The following RNF34 variants were observed in gnomAD, a reference collection of about 807,000 sequenced individuals.
RNF34 encodes E3 ubiquitin-protein ligase RNF34.
In RNF34, 12 loss-of-function variants were observed where a neutral mutation model predicts 37.9. That is an observed-to-expected ratio of 0.32 (90% confidence interval 0.20 to 0.51). The LOEUF (loss-of-function observed/expected upper bound fraction) is 0.51, where lower values mean the gene tolerates loss of function less well. Among genes scored for constraint, RNF34 ranks in the 20% least tolerant of loss-of-function variants. The probability of loss-of-function intolerance (pLI) is 0.97; values close to 1 mark genes in which losing one functional copy is unlikely to be tolerated. For synonymous variants in RNF34, 155 were observed against 177.2 expected, an observed-to-expected ratio of 0.87 and a Z score of 1.00; for missense variants, 362 against 472.7, an observed-to-expected ratio of 0.77 and a Z score of 2.17.
At chr12:121,400,337 G>C in intron 1 of RNF34, 119 bp downstream of exon 1, 3 of 1,231,930 alleles carry the variant, frequency 2.4e-6, no homozygotes, top group South Asian at 1.4e-5. Context: ...GGAGAGCTGC[G>C]CTGAGGGGGG....
chr12:121,423,622 A>G lies in RNF34; in HGVS notation c.*46A>G. The G allele has an allele frequency of 6.5e-7, 1 of 1,529,756 alleles. No individual in the cohort carries two copies. Among genetic ancestry groups the G allele is most frequent in the Non-Finnish European group, 9.0e-7 (1 of 1,113,060 alleles). The allele number at this position is 1,529,756 out of a possible 1,614,324, so 94.8% of individuals were successfully genotyped here. A position where few individuals can be genotyped will look rare whatever the true frequency, so the allele number is the denominator to read the frequency against. ...ACAGTCACCCCCAAACTTGACCCCC[A>G]ACATTTCAATGCACAGAAGGGACTG... On this transcript the variant is annotated 3_prime_UTR_variant, in exon 6 of 6. Transcript: ENST00000361234. This position sits in a 1 kb window ranked among gnomAD's most constrained non-coding sequence, Gnocchi z 4.3.
chr12:121,419,384 G>C (rs1871886575), intron 3 of RNF34, among the ~76,000 whole-genome samples: 1 of 152,212 alleles, frequency 6.6e-6, no homozygotes, highest in Admixed American at 6.5e-5. Flanking sequence ...ACGTCTCCTA[G>C]TCGTCAAGCA....
At chr12:121,406,477 G>T (rs754375315) in intron 1 of RNF34, among the ~76,000 whole-genome samples, 28 of 152,132 alleles carry the variant, frequency 1.8e-4, no homozygotes, top group Non-Finnish European at 3.4e-4. Flanking sequence ...AGTAGAGATG[G>T]CGTTTCACCA....
At chr12:121,410,839 A>C (rs2136959695) in intron 1 of RNF34, among the ~76,000 whole-genome samples, 1 of 152,302 alleles carries the variant, frequency 6.6e-6, no homozygotes, top group South Asian at 2.1e-4. Context: ...TTCCTGTAGT[A>C]TTTGGCTGAC....
intron 1 of RNF34, among the ~76,000 whole-genome samples, chr12:121,414,446 A>G (rs1432921147): frequency 6.6e-6 from 1 of 151,880 alleles, no homozygotes; most frequent in Non-Finnish European, 1.5e-5. Flanking sequence ...AGACTGCAGT[A>G]AAAAGGAGAC....
At chr12:121,409,910 CTT>C (rs1555281163) in intron 1 of RNF34, 1 of 152,250 alleles carries the variant, frequency 6.6e-6, no homozygotes, top group African/African-American at 2.4e-5. Flanking sequence ...AATCCCAGCA[CTT>C]TGGGAAGCCG....
At chr12:121,402,442 G>GT (rs1230659943) in intron 1 of RNF34, among the ~76,000 whole-genome samples, 1 of 151,040 alleles carries the variant, frequency 6.6e-6, no homozygotes, top group East Asian at 1.9e-4. Context: ...TGGCGTTTTG[G>GT]TTTGGTTTGG....
intron 5 of RNF34, among the ~76,000 whole-genome samples, chr12:121,422,152 G>A (rs782391840): frequency 7.2e-5 from 11 of 152,202 alleles, no homozygotes; most frequent in African/African-American, 1.9e-4. Flanking sequence ...ACTTTGCGGC[G>A]TAGGATATAA....
At chr12:121,405,325 C>T (rs985913965) in intron 1 of RNF34, among the ~76,000 whole-genome samples, 1 of 152,162 alleles carries the variant, frequency 6.6e-6, no homozygotes, top group Non-Finnish European at 1.5e-5. Context: ...TCACATTTGT[C>T]TTCCTGTAGT....
At chr12:121,419,041 G>GGGAAATTT (rs1356887858) in intron 3 of RNF34, among the ~76,000 whole-genome samples, 1 of 152,134 alleles carries the variant, frequency 6.6e-6, no homozygotes, top group Non-Finnish European at 1.5e-5. Context: ...TAAATGCAGA[G>GGGAAATTT]GGAAATTTGG....
intron 1 of RNF34, among the ~76,000 whole-genome samples, chr12:121,406,569 G>A (rs190055090): frequency 6.6e-6 from 1 of 152,280 alleles, no homozygotes; most frequent in African/African-American, 2.4e-5. Context: ...TTACAGGCGT[G>A]AGCCACCGCG....
intron 1 of RNF34, chr12:121,415,317 A>C (rs1316835806): frequency 7.9e-6 from 3 of 377,904 alleles, no homozygotes; most frequent in African/African-American, 6.1e-5. Context: ...GGTTTAAGGA[A>C]ATGAAGTAAT....
chr12:121,404,596 G>A (rs1309106685), intron 1 of RNF34, among the ~76,000 whole-genome samples: 1 of 151,664 alleles, frequency 6.6e-6, no homozygotes. Context: ...TCACCATCTT[G>A]GCTAGGCTGG....
At chr12:121,422,233 G>C (rs1368021145) in intron 5 of RNF34, among the ~76,000 whole-genome samples, 1 of 152,204 alleles carries the variant, frequency 6.6e-6, no homozygotes, top group African/African-American at 2.4e-5. Flanking sequence ...TCTAACCCTA[G>C]TTCAATCTCT....
In RNF34 at chr12:121,403,123, G is replaced by A. The variant is rs185345399; in HGVS notation, c.6+2905G>A. On this transcript the variant is annotated intron_variant, in intron 1 of 5. Coordinates refer to ENST00000361234, the MANE Select transcript of RNF34 (RefSeq NM_025126.4). ...TCTAAATAGGATAAAGAGGCCGGGC[G>A]CGGTGGCTCACGCCTGTAGTCCCAG... 3.0e-3 allele frequency among the ~76,000 whole-genome samples: 459 copies of A among 152,242 alleles called. 5 individuals are homozygous for A. Among genetic ancestry groups the A allele is most frequent in the African/African-American group, 0.011 (442 of 41,530 alleles).
intron 1 of RNF34, among the ~76,000 whole-genome samples, chr12:121,401,306 A>C (rs1555279982): frequency 7.2e-6 from 1 of 139,174 alleles, no homozygotes; most frequent in Non-Finnish European, 1.5e-5. Flanking sequence ...ATTCAAAAGA[A>C]GAGTTATTTG....
intron 5 of RNF34, 133 bp downstream of exon 5, chr12:121,420,911 T>C (rs2137157467): frequency 3.0e-6 from 2 of 664,064 alleles, no homozygotes; most frequent in South Asian, 3.8e-5. Context: ...ATCAGTTAGT[T>C]ACATGAGCCT....
intron 5 of RNF34, among the ~76,000 whole-genome samples, chr12:121,421,742 A>G (rs951597348): frequency 2.6e-5 from 4 of 152,202 alleles, no homozygotes; most frequent in Non-Finnish European, 4.4e-5. Context: ...GGGTCTCACT[A>G]TGTTGCCCAG....
intron 1 of RNF34, among the ~76,000 whole-genome samples, chr12:121,408,003 C>A (rs1352388756): frequency 1.3e-5 from 2 of 152,018 alleles, no homozygotes; most frequent in Non-Finnish European, 2.9e-5. Flanking sequence ...TAGGTTCTGT[C>A]AAGTCATAAC....
Sources: gnomAD v4.1 joint callset for allele counts (sites outside exome capture counted in the v4.1 genomes callset) on GRCh38, gnomAD v4.1.1 for gene constraint, Gnocchi (gnomAD v3.1) non-coding constraint, MANE v1.5 for transcripts, NCBI Gene and HGNC (gene_info 2026-07-23, HGNC 2026-07-21) for gene names.